The following KAZN variants were observed in gnomAD, a reference collection of about 807,000 sequenced individuals.
KAZN encodes kazrin.
Under a neutral mutation model 87.4 loss-of-function variants are expected in KAZN, and 40 were observed. That is an observed-to-expected ratio of 0.46 (90% CI 0.36 to 0.60). The LOEUF (loss-of-function observed/expected upper bound fraction) is 0.60, where lower values mean the gene tolerates loss of function less well. KAZN is among the 20% of genes least tolerant of loss of function. The pLI, the probability that KAZN is intolerant of heterozygous loss-of-function variation, is 0.00. For synonymous variants in KAZN, 466 were observed against 458.3 expected (o/e 1.02, Z -0.22); for missense variants, 898 against 1,073.9 (o/e 0.84, Z 2.29).
intron 1 of KAZN, among the ~76,000 whole-genome samples, chr1:14,868,035 G>A (rs181646779): frequency 8.1e-5 from 6 of 74,056 alleles, no homozygotes; most frequent in South Asian, 1.1e-3. Context: ...GCATGGCATC[G>A]CATAGCATGG....
intron 1 of KAZN, among the ~76,000 whole-genome samples, chr1:14,954,477 C>T (rs1466380515): frequency 6.6e-6 from 1 of 152,222 alleles, no homozygotes; most frequent in Non-Finnish European, 1.5e-5. Flanking sequence ...CTGAGCTGTA[C>T]CAGATGCTTA....
intron 8 of KAZN, among the ~76,000 whole-genome samples, chr1:15,087,738 A>C (rs555668824): frequency 6.6e-6 from 1 of 152,368 alleles, no homozygotes; most frequent in East Asian, 1.9e-4. Context: ...CTGTAGGCAC[A>C]TGTGGCTTGT....
At chr1:14,673,738 C>T (rs1003726981) in intron 1 of KAZN, among the ~76,000 whole-genome samples, 1 of 152,208 alleles carries the variant, frequency 6.6e-6, no homozygotes, top group Admixed American at 6.5e-5. Context: ...ATTTATCAAA[C>T]AAAATCTTTG....
At chr1:14,552,146 TAGATGG>T (rs1673569191) in intron 2 of KAZN, among the ~76,000 whole-genome samples, 1 of 152,148 alleles carries the variant, frequency 6.6e-6, no homozygotes, top group Non-Finnish European at 1.5e-5. Context: ...GTTTAAAGTA[TAGATGG>T]CTGAATGCTT....
chr1:15,097,985 T>A (rs935943701), intron 10 of KAZN, among the ~76,000 whole-genome samples: 23 of 152,156 alleles, frequency 1.5e-4, no homozygotes, highest in African/African-American at 5.3e-4. Context: ...GAACACTAGG[T>A]GTGTCCCAGA....
chr1:14,152,301 C>G (rs1198461458), intron 1 of KAZN, among the ~76,000 whole-genome samples: 1 of 152,108 alleles, frequency 6.6e-6, no homozygotes, highest in Non-Finnish European at 1.5e-5. Flanking sequence ...TCTTTTTGGA[C>G]TCATTAAGCA....
In KAZN at chr1:14,628,056, C is replaced by T. The variant is rs1031273315; in HGVS notation, c.226+28833C>T. ...AAGAAATAGGCAGCACCCATCCATC[C>T]ACTTGCAAACAAAATCAGTGTGTTC... On this transcript the variant is annotated intron_variant, in intron 1 of 14. Coordinates refer to ENST00000376030, the MANE Select transcript of KAZN (RefSeq NM_201628.3). Among the ~76,000 whole-genome samples the T allele has an allele frequency of 3.3e-5, 5 of 152,182 alleles. 1 individual carries two copies. The highest frequency in any genetic ancestry group is 5.9e-5 in the Non-Finnish European group (4 of 68,032).
intron 2 of KAZN, among the ~76,000 whole-genome samples, chr1:14,333,817 T>C (rs939350875): frequency 7.3e-5 from 11 of 151,512 alleles, no homozygotes; most frequent in Non-Finnish European, 1.6e-4. Flanking sequence ...GAGAATGAGG[T>C]GTGGGTGTCT....
intron 1 of KAZN, among the ~76,000 whole-genome samples, chr1:14,724,944 A>G (rs146292155): frequency 6.6e-6 from 1 of 152,242 alleles, no homozygotes; most frequent in Non-Finnish European, 1.5e-5. Context: ...GTATGAGTCA[A>G]TGGGAAGAAA....
rs76923317 is a variant in KAZN at position 14,784,955 on chromosome 1, G to A, written c.227-175729G>A. ...TCAAATACATCTTGATTTTGATCTC[G>A]GCTAGACTGCTTACTTTTTTTTTTT... On this transcript the variant is annotated intron_variant, in intron 1 of 14. Transcript: ENST00000376030. 9.6e-3 allele frequency among the ~76,000 whole-genome samples: 1,457 copies of A among 151,512 alleles called. 25 individuals carry two copies. The highest frequency in any genetic ancestry group is 0.033 in the African/African-American group (1,371 of 41,122).
At chr1:14,061,913 C>A (rs1037639212) in intron 1 of KAZN, among the ~76,000 whole-genome samples, 4 of 152,190 alleles carry the variant, frequency 2.6e-5, no homozygotes, top group African/African-American at 9.6e-5. Context: ...CAGGGTGGAG[C>A]AAATGGACTT....
chr1:15,053,777 C>T (rs1167886566), intron 4 of KAZN, among the ~76,000 whole-genome samples: 1 of 152,234 alleles, frequency 6.6e-6, no homozygotes, highest in Non-Finnish European at 1.5e-5. Context: ...TTGCACAGAG[C>T]GCGTGAGGGT....
In KAZN at chr1:13,994,200, G is replaced by A. The variant is rs549845507; in HGVS notation, c.91+100444G>A. 3.5e-4 allele frequency among the ~76,000 whole-genome samples: 54 copies of A among 152,238 alleles called. No individual in the cohort carries two copies. The South Asian group carries it at 0.011, about 30-fold the overall frequency. The stretch of plus-strand genomic sequence containing the variant: ...TCTGACCCAGGGCATGGCATTTTTT[G>A]TCCCTTCTGGACAAAGCCCACCATC... On this transcript the variant is annotated intron_variant, in intron 1 of 16. Transcript: ENST00000636203.
chr1:14,944,597 G>A (rs1440117387), intron 1 of KAZN, among the ~76,000 whole-genome samples: 1 of 152,232 alleles, frequency 6.6e-6, no homozygotes, highest in Non-Finnish European at 1.5e-5. Context: ...GATGGGCCAG[G>A]GGCAAGGGGC....
intron 2 of KAZN, among the ~76,000 whole-genome samples, chr1:14,496,236 C>G (rs752357587): frequency 6.6e-6 from 1 of 152,172 alleles, no homozygotes; most frequent in Non-Finnish European, 1.5e-5. Flanking sequence ...AAAATCCCTG[C>G]TGTGAAGCTA....
intron 2 of KAZN, among the ~76,000 whole-genome samples, chr1:14,366,766 ACT>A (rs1384399134): frequency 5.3e-5 from 8 of 152,224 alleles, no homozygotes; most frequent in Admixed American, 1.3e-4. Flanking sequence ...AGCTCAGTAG[ACT>A]CTCTGCCTTT....
intron 1 of KAZN, among the ~76,000 whole-genome samples, chr1:14,103,168 G>A (rs769161681): frequency 2.2e-4 from 33 of 152,196 alleles, no homozygotes; most frequent in Admixed American, 1.3e-3. Flanking sequence ...TGATCGGCCC[G>A]TCTTGATCTC....
chr1:13,931,640 C>A (rs959105045), intron 1 of KAZN, among the ~76,000 whole-genome samples: 1 of 151,600 alleles, frequency 6.6e-6, no homozygotes. Flanking sequence ...GAAGATAAAA[C>A]GTGTGGATAA....
chr1:14,155,883 C>A (rs1645582338), intron 1 of KAZN, among the ~76,000 whole-genome samples: 1 of 152,154 alleles, frequency 6.6e-6, no homozygotes, highest in African/African-American at 2.4e-5. Context: ...CTCCTGGCCT[C>A]ATGTGATCCA....
Sources: gnomAD v4.1 joint callset for allele counts (sites outside exome capture counted in the v4.1 genomes callset) on GRCh38, gnomAD v4.1.1 for gene constraint, MANE v1.5 for transcripts, NCBI Gene and HGNC (gene_info 2026-07-23, HGNC 2026-07-21) for gene names.